Variants in KIF24 observed in about 807,000 individuals in gnomAD.
KIF24 encodes kinesin family member 24.
A neutral mutation model predicts 118.9 loss-of-function variants in KIF24; 81 were observed. The observed-to-expected ratio is 0.68, with a 90% confidence interval of 0.57 to 0.82. The LOEUF is 0.82. KIF24 is among the 40% of genes least tolerant of loss of function. The probability of loss-of-function intolerance (pLI) is 0.00; values close to 1 mark genes in which losing one functional copy is unlikely to be tolerated. For synonymous variants in KIF24, 599 were observed against 610.0 expected, an observed-to-expected ratio of 0.98 and a Z score of 0.27; for missense variants, 1,560 against 1,661.6, an observed-to-expected ratio of 0.94 and a Z score of 1.06.
In KIF24 at chr9:34,256,349, C is replaced by T. The variant is rs10814083; in HGVS notation, c.3258G>A (p.Gly1086=). 0.36 allele frequency: 576,779 copies of T among 1,613,194 alleles called. 108,833 individuals carry two copies. Among genetic ancestry groups the T allele is most frequent in the East Asian group, 0.69 (31,048 of 44,856 alleles). The change falls in exon 11 of 13, where the codon GGG becomes GGA. Residue 1086 remains glycine, a synonymous_variant. Coordinates refer to ENST00000402558, the MANE Select transcript of KIF24 (RefSeq NM_194313.4). ...ATHSLVAEST[G]GPVVSHTVPS... Reference sequence around the variant, plus strand: ...GCACTGTGTGGCTCACAACTGGGCCCCCTGTGCTCTCTGCCACTAGACTGT... The same window carrying T: ...GCACTGTGTGGCTCACAACTGGGCCTCCTGTGCTCTCTGCCACTAGACTGT...
intron 1 of KIF24, among the ~76,000 whole-genome samples, chr9:34,327,287 C>A (rs1410783305): frequency 1.3e-5 from 2 of 151,968 alleles, no homozygotes; most frequent in Non-Finnish European, 2.9e-5. Context: ...ATATATCAGG[C>A]ATCATAGAAT....
At position 34,310,941 on chromosome 9, in the gene KIF24, C is replaced by T; in HGVS notation, c.406G>A (p.Val136Met). ...ANEQKSTYLK[V>M]LEHMLPDDSQ... ...TCATCTGGTAGCATGTGTTCTAGCACTTTTAGGTAAGTGGACTTCTGTTCA... is the reference window on the plus strand; with the variant it reads ...TCATCTGGTAGCATGTGTTCTAGCATTTTTAGGTAAGTGGACTTCTGTTCA... Residue 136 changes from valine (V) to methionine (M), a missense_variant, in exon 2 of 13, where the codon GTG becomes ATG. Coordinates refer to ENST00000402558, the MANE Select transcript of KIF24 (RefSeq NM_194313.4). The T allele has an allele frequency of 6.2e-7, 1 of 1,613,838 alleles. No individual in the cohort carries two copies. The highest frequency in any genetic ancestry group is 8.5e-7 in the Non-Finnish European group (1 of 1,179,760).
chr9:34,297,064 A>G lies in KIF24; in HGVS notation c.864T>C (p.Asp288=), dbSNP rs751819763. Residue 288 remains aspartate (D), a synonymous_variant, in exon 4 of 13, where the codon GAT becomes GAC. Coordinates refer to ENST00000402558, the MANE Select transcript of KIF24 (RefSeq NM_194313.4). The part of the protein sequence containing the change: ...EVFGEACTNQ[D]VYMKTTHPLI... Reference sequence around the variant, plus strand: ...GTGGGTGAGTAGTCTTCATGTATACATCCTGATTGGTGCACGCCTCACCAA... The same window carrying G: ...GTGGGTGAGTAGTCTTCATGTATACGTCCTGATTGGTGCACGCCTCACCAA... 25 of 1,599,094 alleles carry G rather than the reference A, an allele frequency of 1.6e-5. No individual in the cohort carries two copies. Among genetic ancestry groups the G allele is most frequent in the Admixed American group, 3.4e-5 (2 of 58,690 alleles).
intron 1 of KIF24, chr9:34,319,330 G>C (rs970181895): frequency 1.1e-6 from 1 of 900,944 alleles, no homozygotes; most frequent in East Asian, 2.4e-5. Context: ...CAAGCGGGTG[G>C]TGGAAGTTCC....
rs777476184 is a variant in KIF24, at chr9:34,255,736, G to A, written c.3871C>T (p.Gln1291Ter). Reference sequence around the variant, plus strand: ...TCTTAGGGAAAGTGTCCAACTTACTGCGCTTGCTCCAGGGTGGGCTGACGG... The same window carrying A: ...TCTTAGGGAAAGTGTCCAACTTACTACGCTTGCTCCAGGGTGGGCTGACGG... ...TLRQPTLEQA[Q>*]QVVIRAHQEQ... The change falls in exon 11 of 13, where the codon CAG (glutamine) becomes TAG (stop). Residue 1291 changes from glutamine to a stop codon, truncating the protein, a stop_gained and splice_region_variant. Transcript: ENST00000402558. LOFTEE classifies it high-confidence loss of function. The A allele has an allele frequency of 6.2e-7, 1 of 1,606,992 alleles. No individual in the cohort carries two copies. The highest frequency in any genetic ancestry group is 2.2e-5 in the East Asian group (1 of 44,822).
intron 2 of KIF24, among the ~76,000 whole-genome samples, chr9:34,310,523 C>T (rs1249045425): frequency 6.6e-6 from 1 of 152,080 alleles, no homozygotes; most frequent in Non-Finnish European, 1.5e-5. Context: ...CATCTTTCTC[C>T]CACCTAGAAA....
At chr9:34,301,863 A>G (rs1367757628) in intron 3 of KIF24, among the ~76,000 whole-genome samples, 1 of 152,090 alleles carries the variant, frequency 6.6e-6, no homozygotes. Context: ...CAAAATTACA[A>G]TAGAGAACAA....
upstream of KIF24, among the ~76,000 whole-genome samples, chr9:34,333,228 A>T (rs983326109): frequency 3.0e-4 from 45 of 152,172 alleles, no homozygotes; most frequent in African/African-American, 1.0e-3. Flanking sequence ...TCTTCTTCGG[A>T]TACCAGGATT....
chr9:34,316,200 T>A (rs1837323380), intron 1 of KIF24, among the ~76,000 whole-genome samples: 1 of 151,536 alleles, frequency 6.6e-6, no homozygotes, highest in Non-Finnish European at 1.5e-5. Flanking sequence ...ATACAAAAAT[T>A]AGCTGGGTGT....
chr9:34,290,385 T>A lies in KIF24; in HGVS notation c.916A>T (p.Asn306Tyr). Residue 306 changes from asparagine to tyrosine, a missense_variant, in exon 5 of 13, where the codon AAT (asparagine) becomes TAT (tyrosine). Physicochemically the swap from Asn to Tyr is moderately radical, Grantham distance 143 (BLOSUM62 -2). This residue lies in a region of KIF24 where 964 missense variants were observed against 988.0 expected (regional missense o/e 0.98). Coordinates refer to ENST00000402558, the MANE Select transcript of KIF24 (RefSeq NM_194313.4). ...TGTCCATAAGCAAAGCAAGTGGCAT[T>A]GCCTCTGGGGAAAGGATAATTTGCA... ...PLIQHIFNGGNATCFAYGQTG... is the reference protein window; with the variant it reads ...PLIQHIFNGGYATCFAYGQTG... The A allele has an allele frequency of 6.2e-7, 1 of 1,604,034 alleles. No individual in the cohort carries two copies. Among genetic ancestry groups the A allele is most frequent in the Non-Finnish European group, 8.5e-7 (1 of 1,171,468 alleles).
chr9:34,302,681 G>A (rs1836766830), intron 3 of KIF24, among the ~76,000 whole-genome samples: 1 of 151,712 alleles, frequency 6.6e-6, no homozygotes, highest in Non-Finnish European at 1.5e-5. Flanking sequence ...GGCTAGGCTG[G>A]TCTTAAAACT....
At chr9:34,254,978 T>A (rs2131654143) in intron 12 of KIF24, 94 bp downstream of exon 12, 1 of 842,510 alleles carries the variant, frequency 1.2e-6, no homozygotes, top group Non-Finnish European at 1.9e-6. Context: ...GGAGACCCTT[T>A]CCCCACACAC....
At chr9:34,316,259 T>C (rs1479360457) in intron 1 of KIF24, among the ~76,000 whole-genome samples, 1 of 151,798 alleles carries the variant, frequency 6.6e-6, no homozygotes, top group Non-Finnish European at 1.5e-5. Context: ...GAGTTTCACC[T>C]GAACCTGGGA....
rs557995608 is a variant in KIF24 at position 34,269,483 on chromosome 9, G to A, written c.1338-121C>T. 544 of 421,374 alleles carry A rather than the reference G, an allele frequency of 1.3e-3. 3 individuals carry two copies. Among genetic ancestry groups the A allele is most frequent in the East Asian group, 5.0e-3 (121 of 24,174 alleles). The allele number at this position is 421,374 out of a possible 1,614,324, so 26.1% of individuals were successfully genotyped here. A position where few individuals can be genotyped will look rare whatever the true frequency, so the allele number is the denominator to read the frequency against. On this transcript the variant is annotated intron_variant, in intron 7 of 12. Transcript: ENST00000402558. ...CGCCCAGGCTGGAGTGCAGTGGCGC[G>A]ATTTTGGCTCACTGCAACCTCTGCC...
chr9:34,318,426 G>T lies in KIF24; in HGVS notation c.-25-7055C>A. ...GCCACGCGCTCCCTCCTGCTCCTCAGCGCCTTCTGCCTCCTGGCGGTGGCC... is the reference window on the plus strand; with the variant it reads ...GCCACGCGCTCCCTCCTGCTCCTCATCGCCTTCTGCCTCCTGGCGGTGGCC... On this transcript the variant is annotated intron_variant, in intron 1 of 12. Coordinates refer to ENST00000402558, the MANE Select transcript of KIF24 (RefSeq NM_194313.4). This position sits in a 1 kb window ranked among gnomAD's most constrained non-coding sequence, Gnocchi z 4.9. 1.4e-6 allele frequency: 1 copy of T among 697,178 alleles called. No homozygotes were observed. The highest frequency in any genetic ancestry group is 2.0e-5 in the Admixed American group (1 of 49,668). 43.2% of individuals were successfully genotyped at this position (697,178 alleles called of 1,614,324 possible). A position where few individuals can be genotyped will look rare whatever the true frequency, so the allele number is the denominator to read the frequency against.
intron 1 of KIF24, among the ~76,000 whole-genome samples, chr9:34,315,549 C>A (rs1416925312): frequency 1.3e-5 from 2 of 152,126 alleles, no homozygotes; most frequent in African/African-American, 4.8e-5. Flanking sequence ...CATACATACT[C>A]ATTTTTAAAA....
At chr9:34,258,866 T>C (rs1834953612) in intron 10 of KIF24, among the ~76,000 whole-genome samples, 1 of 152,172 alleles carries the variant, frequency 6.6e-6, no homozygotes, top group Non-Finnish European at 1.5e-5. Context: ...TTAGCACTAT[T>C]GACATTTTGT....
intron 9 of KIF24, 48 bp downstream of exon 9, chr9:34,263,053 A>G (rs1359399250): frequency 7.2e-7 from 1 of 1,384,432 alleles, no homozygotes; most frequent in Non-Finnish European, 1.0e-6. Context: ...TGAAATAAGG[A>G]AGAAAGGAAT....
At chr9:34,283,477 G>A (rs570091746) in intron 6 of KIF24, among the ~76,000 whole-genome samples, 134 of 152,226 alleles carry the variant, frequency 8.8e-4, no homozygotes, top group African/African-American at 3.0e-3. Context: ...TAAAAAAGGT[G>A]AATGTTACGG....
Sources: gnomAD v4.1 joint callset for allele counts (sites outside exome capture counted in the v4.1 genomes callset) on GRCh38, gnomAD v4.1.1 for gene constraint, gnomAD v4.1.1 regional missense constraint, Gnocchi (gnomAD v3.1) non-coding constraint, MANE v1.5 for transcripts, NCBI Gene and HGNC (gene_info 2026-07-23, HGNC 2026-07-21) for gene names.